Variants in TMCO1 observed in about 807,000 individuals in gnomAD.
TMCO1 encodes the protein calcium load-activated calcium channel.
A neutral mutation model predicts 29.3 loss-of-function variants in TMCO1; 29 were observed. The observed-to-expected ratio is 0.99, with a 90% CI of 0.74 to 1.35. The LOEUF (loss-of-function observed/expected upper bound fraction) is 1.35, where lower values mean the gene tolerates loss of function less well. TMCO1 is among the 40% of genes most tolerant of loss of function. The probability of loss-of-function intolerance (pLI) is 0.00; values close to 1 mark genes in which losing one functional copy is unlikely to be tolerated. For synonymous variants in TMCO1, 80 were observed against 77.1 expected (o/e 1.04, Z -0.20); for missense variants, 173 against 225.5 (o/e 0.77, Z 1.49).
chr1:165,729,426 C>A (rs1274793773), intron 6 of TMCO1, among the ~76,000 whole-genome samples: 1 of 151,666 alleles, frequency 6.6e-6, no homozygotes, highest in East Asian at 1.9e-4. Context: ...AGCGATTCTG[C>A]CTGCCTCAGC....
chr1:165,762,521 G>A (rs1045636878), intron 2 of TMCO1, among the ~76,000 whole-genome samples: 1 of 152,058 alleles, frequency 6.6e-6, no homozygotes, highest in East Asian at 1.9e-4. Flanking sequence ...ATTGAGACTA[G>A]ATAAATTGTT....
chr1:165,757,756 C>T (rs1012726795), intron 3 of TMCO1, among the ~76,000 whole-genome samples: 2 of 152,134 alleles, frequency 1.3e-5, no homozygotes, highest in Non-Finnish European at 2.9e-5. Flanking sequence ...TCTTGGTTTC[C>T]CAAAGTGCTG....
downstream of TMCO1, chr1:165,726,318 C>T (rs80274532): frequency 6.8e-3 from 4,716 of 689,364 alleles, 27 homozygotes; most frequent in Middle Eastern, 0.01. Flanking sequence ...TGAGCTCCTG[C>T]TGTGTTTCCA....
intron 2 of TMCO1, 29 bp downstream of exon 2, chr1:165,768,163 A>G: frequency 1.9e-6 from 3 of 1,567,204 alleles, no homozygotes; most frequent in Non-Finnish European, 2.6e-6. Flanking sequence ...GACGTGTTGA[A>G]ATTATTTCTA....
In TMCO1 at chr1:165,758,194, T is replaced by C. The variant is rs143769040; in HGVS notation, c.208+1331A>G. 2.5e-3 allele frequency among the ~76,000 whole-genome samples: 379 copies of C among 152,308 alleles called. 3 individuals are homozygous for C. Among genetic ancestry groups the C allele is most frequent in the African/African-American group, 8.7e-3 (361 of 41,574 alleles). ...CTCCTCTCAACTTCTGTGACACTAC[T>C]ACTTTCCAACTTATCTGGCAATACT... On this transcript the variant is annotated intron_variant, in intron 3 of 6. Transcript: ENST00000367881.
downstream of TMCO1, chr1:165,724,534 T>TA (rs1650772600): frequency 2.2e-6 from 1 of 453,958 alleles, no homozygotes; most frequent in Non-Finnish European, 4.4e-6. Flanking sequence ...GGGAATTTGT[T>TA]AGAGATGCAA....
At chr1:165,752,046 T>G in intron 5 of TMCO1, 56 bp downstream of exon 5, 1 of 1,367,106 alleles carries the variant, frequency 7.3e-7, no homozygotes, top group Non-Finnish European at 1.0e-6. Context: ...CATGCTAACA[T>G]ACATACAAAT....
chr1:165,726,107 T>C, downstream of TMCO1: 1 of 697,288 alleles, frequency 1.4e-6, no homozygotes, highest in Non-Finnish European at 2.6e-6. Flanking sequence ...GTTTCATGTT[T>C]TATTTTAGCC....
At position 165,768,855 on chromosome 1, in the gene TMCO1, A is replaced by T. The variant is rs1432218976; in HGVS notation, c.-104T>A. Reference sequence around the variant, plus strand: ...TCCGTAGACTCCGCCACCACCGAGTAACAGACCAACTCTGACAGCCCGAAG... The same window carrying T: ...TCCGTAGACTCCGCCACCACCGAGTTACAGACCAACTCTGACAGCCCGAAG... On this transcript the variant is annotated 5_prime_UTR_variant, in exon 1 of 7. Transcript: ENST00000367881. The T allele has an allele frequency of 6.3e-7, 1 of 1,575,378 alleles. No individual in the cohort carries two copies. The highest frequency in any genetic ancestry group is 8.6e-7 in the Non-Finnish European group (1 of 1,159,686).
intron 6 of TMCO1, among the ~76,000 whole-genome samples, chr1:165,728,540 G>A (rs1650996330): frequency 6.6e-6 from 1 of 152,080 alleles, no homozygotes; most frequent in African/African-American, 2.4e-5. Flanking sequence ...ACAGGAGGGA[G>A]TCACCGCACC....
downstream of TMCO1, chr1:165,724,416 A>G (rs1028007244): frequency 4.4e-6 from 2 of 454,152 alleles, no homozygotes; most frequent in Admixed American, 4.7e-5. Context: ...GAAAAACTCT[A>G]CAAGGTAAAC....
chr1:165,759,779 AAAC>A (rs1215520205), intron 2 of TMCO1, among the ~76,000 whole-genome samples, 195 bp from the exon 3 acceptor site: 3 of 152,228 alleles, frequency 2.0e-5, no homozygotes, highest in South Asian at 2.1e-4. Context: ...TCTAAGAATG[AAAC>A]AACAATTATA....
chr1:165,733,527 G>A (rs1042858431), intron 6 of TMCO1, among the ~76,000 whole-genome samples: 1 of 151,872 alleles, frequency 6.6e-6, no homozygotes, highest in Admixed American at 6.6e-5. Flanking sequence ...TTTGAAACCC[G>A]GGAGGCAGAG....
chr1:165,724,363 T>C (rs2101777249), downstream of TMCO1: 3 of 454,030 alleles, frequency 6.6e-6, no homozygotes, highest in African/African-American at 4.0e-5. Context: ...AGACAACCAA[T>C]AGTATGAAAA....
rs1335179843 is a variant in TMCO1 at position 165,759,515 on chromosome 1, C to G, written c.208+10G>C. 6.2e-7 allele frequency: 1 copy of G among 1,604,578 alleles called. No individual in the cohort carries two copies. Among genetic ancestry groups the G allele is most frequent in the South Asian group, 1.1e-5 (1 of 89,908 alleles). On this transcript the variant is annotated intron_variant, in intron 3 of 6. Transcript: ENST00000367881. ...ACCCAAATTTCATTTTGACTAATAT[C>G]TCATCTTACCTATTTTCTTTTTCTG...
rs1456383738 is a variant in TMCO1, at chr1:165,754,243, G to A, written c.240C>T (p.Asn80=). 1.2e-6 allele frequency: 2 copies of A among 1,611,020 alleles called. No homozygotes were observed. Among genetic ancestry groups the A allele is most frequent in the Admixed American group, 1.7e-5 (1 of 60,012 alleles). The change falls in exon 4 of 7, where the codon AAC becomes AAT. Residue 80 remains asparagine (N), a synonymous_variant. Transcript: ENST00000367881. ...ERQEEKLKNN[N]RDLSMVRMKS... ...GGTCTCTTACCATTGATAGATCTCT[G>A]TTGTTATTCTTCAGTTTCTCTTCTT...
At chr1:165,733,678 A>C (rs1322319265) in intron 6 of TMCO1, among the ~76,000 whole-genome samples, 1 of 152,228 alleles carries the variant, frequency 6.6e-6, no homozygotes, top group Non-Finnish European at 1.5e-5. Context: ...CTATGAAAGA[A>C]AATAGAAATG....
intron 3 of TMCO1, among the ~76,000 whole-genome samples, chr1:165,757,626 T>C (rs1652245481): frequency 6.6e-6 from 1 of 152,170 alleles, no homozygotes; most frequent in Non-Finnish European, 1.5e-5. Context: ...GCCTCCCAAG[T>C]AGCTGGGATT....
In TMCO1 at chr1:165,727,801, T is replaced by C. The variant is rs543955118; in HGVS notation, c.*222A>G. On this transcript the variant is annotated 3_prime_UTR_variant, in exon 7 of 7. Coordinates refer to ENST00000367881, the MANE Select transcript of TMCO1 (RefSeq NM_019026.6). ...TACATAAACATTACCTGAACTTAAC[T>C]AATCAATCCACTTATTTGATAAAAA... The C allele has an allele frequency of 2.6e-5, 13 of 493,578 alleles. No homozygotes were observed. Among genetic ancestry groups the C allele is most frequent in the South Asian group, 2.0e-4 (13 of 64,614 alleles). The allele number at this position is 493,578 out of a possible 1,614,324, so 30.6% of individuals were successfully genotyped here.
Sources: allele counts gnomAD v4.1 joint callset (sites outside exome capture counted in the v4.1 genomes callset), GRCh38; gene constraint gnomAD v4.1.1; transcripts MANE v1.5; gene names NCBI Gene and HGNC (gene_info 2026-07-23, HGNC 2026-07-21).